The following TXNDC16 variants were observed in gnomAD, a reference collection of about 807,000 sequenced individuals.
TXNDC16 encodes thioredoxin domain containing 16, also known as thioredoxin domain-containing protein 16.
Under a neutral mutation model 85.6 loss-of-function variants are expected in TXNDC16, and 74 were observed. That is an observed-to-expected ratio of 0.86 (90% CI 0.72 to 1.05). The LOEUF is 1.05. TXNDC16 is among the 50% of genes least tolerant of loss of function. The probability of loss-of-function intolerance (pLI) is 0.00; values close to 1 mark genes in which losing one functional copy is unlikely to be tolerated. For missense variants in TXNDC16, 959 were observed against 947.0 expected, an observed-to-expected ratio of 1.01 and a Z score of -0.17; for synonymous variants, 335 against 326.5, an observed-to-expected ratio of 1.03 and a Z score of -0.28.
In TXNDC16 at chr14:52,519,140, C is replaced by T. The variant is rs749163027; in HGVS notation, c.514+32G>A. On this transcript the variant is annotated intron_variant, in intron 7 of 20. Coordinates refer to ENST00000281741, the MANE Select transcript of TXNDC16 (RefSeq NM_020784.3). The stretch of plus-strand genomic sequence containing the variant: ...TTCAACATACATAAGTACAGAGGCA[C>T]AGCAAAGATTAAAGCAAAAGTTAAA... 3.8e-6 allele frequency: 6 copies of T among 1,594,776 alleles called. No homozygotes were observed. In the Admixed American group the frequency reaches 1.0e-4, roughly 28 times the overall value.
chr14:52,485,221 G>A lies in TXNDC16; in HGVS notation c.1109-2256C>T, dbSNP rs139960797. 1.2e-3 allele frequency among the ~76,000 whole-genome samples: 183 copies of A among 152,180 alleles called. 1 individual carries two copies. The highest frequency in any genetic ancestry group is 3.9e-3 in the African/African-American group (163 of 41,520). The stretch of plus-strand genomic sequence containing the variant: ...GGCTAATGTGTGTGTTTGTGTTTTC[G>A]TTTTTAGAGAAAAGTTTAAAACGTA... On this transcript the variant is annotated intron_variant, in intron 12 of 20. Coordinates refer to ENST00000281741, the MANE Select transcript of TXNDC16 (RefSeq NM_020784.3).
At chr14:52,464,237 T>G (rs146840476) in intron 16 of TXNDC16, among the ~76,000 whole-genome samples, 1 of 152,222 alleles carries the variant, frequency 6.6e-6, no homozygotes, top group African/African-American at 2.4e-5. Context: ...TCCTAACTTG[T>G]GTGTTGTGAT....
At chr14:52,439,528 A>G (rs1290024975) in intron 19 of TXNDC16, 134 bp from the exon 20 acceptor site, 6 of 773,028 alleles carry the variant, frequency 7.8e-6, no homozygotes, top group Non-Finnish European at 1.2e-5. Context: ...TGTCCTAAAA[A>G]CCAAGAAGTC....
At chr14:52,532,312 G>A (rs1320480419) in intron 6 of TXNDC16, among the ~76,000 whole-genome samples, 1 of 152,186 alleles carries the variant, frequency 6.6e-6, no homozygotes, top group East Asian at 1.9e-4. Flanking sequence ...GCCACAGTGT[G>A]ATATAATTGC....
chr14:52,454,649 CAAAAAAAAA>C (rs34727206), intron 18 of TXNDC16, among the ~76,000 whole-genome samples: 1 of 60,424 alleles, frequency 1.7e-5, no homozygotes, highest in Non-Finnish European at 3.2e-5. Context: ...ACTAAAAATA[CAAAAAAAAA>C]AAAAAAAAAA....
chr14:52,440,491 C>G, intron 19 of TXNDC16, 73 bp downstream of exon 19: 2 of 1,274,702 alleles, frequency 1.6e-6, no homozygotes, highest in Non-Finnish European at 2.1e-6. Context: ...TAGAGAGTTT[C>G]GTTTCCTAAT....
intron 12 of TXNDC16, among the ~76,000 whole-genome samples, chr14:52,485,009 TTATAAAA>T (rs1453362549): frequency 6.6e-6 from 1 of 152,226 alleles, no homozygotes; most frequent in Non-Finnish European, 1.5e-5. Flanking sequence ...CTCCTTTCAC[TTATAAAA>T]TAAAAAGTTC....
At chr14:52,501,488 T>C (rs1395303895) in intron 9 of TXNDC16, among the ~76,000 whole-genome samples, 1 of 152,172 alleles carries the variant, frequency 6.6e-6, no homozygotes, top group Non-Finnish European at 1.5e-5. Context: ...TTGCAAAGCA[T>C]CTTACCAAAC....
intron 9 of TXNDC16, among the ~76,000 whole-genome samples, chr14:52,499,719 A>T (rs556034237): frequency 6.6e-6 from 1 of 152,250 alleles, no homozygotes; most frequent in East Asian, 1.9e-4. Flanking sequence ...AGGCACTATG[A>T]AAACAGTACA....
In TXNDC16 at chr14:52,432,401, G is replaced by A; in HGVS notation, c.2381C>T (p.Thr794Ile). Residue 794 changes from threonine to isoleucine, a missense_variant, in exon 21 of 21, where the codon ACT becomes ATT. Coordinates refer to ENST00000281741, the MANE Select transcript of TXNDC16 (RefSeq NM_020784.3). ...KSAVRKEPIE[T>I]LRIKHWNRSN... ...TCTATTCCAATGCTTTATTCTCAGA[G>A]TTTCAATCGGTTCTTTTCTGACTGC... 1 of 1,613,950 alleles carries A rather than the reference G, an allele frequency of 6.2e-7. No individual in the cohort carries two copies. Among genetic ancestry groups the A allele is most frequent in the Admixed American group, 1.7e-5 (1 of 60,018 alleles).
intron 9 of TXNDC16, among the ~76,000 whole-genome samples, chr14:52,496,905 G>A (rs768903212): frequency 5.3e-5 from 8 of 151,692 alleles, no homozygotes; most frequent in Admixed American, 1.3e-4. Flanking sequence ...ACCACTGCAC[G>A]CACCCTAATT....
At chr14:52,480,682 G>C (rs928246338) in intron 14 of TXNDC16, among the ~76,000 whole-genome samples, 3 of 151,840 alleles carry the variant, frequency 2.0e-5, no homozygotes, top group African/African-American at 7.3e-5. Context: ...ATAGATGTTG[G>C]CGTGGATGTG....
intron 16 of TXNDC16, 36 bp from the exon 17 acceptor site, chr14:52,457,210 T>G (rs751000553): frequency 2.8e-5 from 35 of 1,236,388 alleles, no homozygotes; most frequent in Non-Finnish European, 3.9e-5. Context: ...ATCTGAAACC[T>G]TTATAATTAT....
chr14:52,492,636 G>A (rs186568584), intron 9 of TXNDC16, among the ~76,000 whole-genome samples: 16 of 152,320 alleles, frequency 1.1e-4, no homozygotes, highest in Middle Eastern at 3.4e-3. Flanking sequence ...ACTGCTTGGC[G>A]TTCCCAGGAC....
intron 6 of TXNDC16, among the ~76,000 whole-genome samples, chr14:52,520,518 G>A (rs1335158984): frequency 6.6e-6 from 1 of 152,126 alleles, no homozygotes; most frequent in Non-Finnish European, 1.5e-5. Context: ...GCTGAGGCAG[G>A]AGAATGGCAT....
At chr14:52,463,021 C>T in intron 16 of TXNDC16, 1 of 453,354 alleles carries the variant, frequency 2.2e-6, no homozygotes, top group Non-Finnish European at 4.4e-6. Context: ...AAAGTCCCTG[C>T]AAATTTCTGA....
chr14:52,498,591 A>G (rs990335788), intron 9 of TXNDC16, among the ~76,000 whole-genome samples: 1 of 152,164 alleles, frequency 6.6e-6, no homozygotes, highest in African/African-American at 2.4e-5. Context: ...AGAATAAAAT[A>G]CTTTGGAATA....
intron 12 of TXNDC16, among the ~76,000 whole-genome samples, chr14:52,484,261 A>G (rs1369766444): frequency 6.6e-6 from 1 of 152,028 alleles, no homozygotes; most frequent in Non-Finnish European, 1.5e-5. Context: ...CAAGTAATGG[A>G]TAACAAGAAT....
chr14:52,452,946 T>C (rs1417790983), intron 18 of TXNDC16, among the ~76,000 whole-genome samples: 1 of 152,094 alleles, frequency 6.6e-6, no homozygotes, highest in East Asian at 1.9e-4. Flanking sequence ...GACAAGGGAT[T>C]AATAACCAGA....
Sources: gnomAD v4.1 joint callset for allele counts (sites outside exome capture counted in the v4.1 genomes callset) on GRCh38, gnomAD v4.1.1 for gene constraint, MANE v1.5 for transcripts, NCBI Gene and HGNC (gene_info 2026-07-23, HGNC 2026-07-21) for gene names.